The following FGGY variants were observed in gnomAD, a reference collection of about 807,000 sequenced individuals.
FGGY encodes the protein FGGY carbohydrate kinase domain containing, also known as FGGY carbohydrate kinase domain-containing protein.
A neutral mutation model predicts 71.3 loss-of-function variants in FGGY; 72 were observed. The ratio of observed to expected loss-of-function variants is 1.01; its 90% CI spans 0.84 to 1.23. The LOEUF (loss-of-function observed/expected upper bound fraction) is 1.23. FGGY is among the 50% of genes most tolerant of loss of function. The pLI, the probability that FGGY is intolerant of heterozygous loss-of-function variation, is 0.00. For missense variants in FGGY, 668 were observed against 682.3 expected (o/e 0.98, Z 0.23); for synonymous variants, 251 against 250.3 (o/e 1.00, Z -0.02).
Position 59,552,314 on chromosome 1 carries a change from A to G in FGGY, c.800-1810A>G, listed in dbSNP as rs2095620426. Among the ~76,000 whole-genome samples the G allele has an allele frequency of 3.3e-5, 5 of 152,206 alleles. No individual in the cohort carries two copies. The South Asian group carries it at 1.0e-3, about 32-fold the overall frequency. ...GACTTGATCTGAAAACACATAGGCC[A>G]AGGATTCTTGCAGGCTAAAGTCTCA... On this transcript the variant is annotated intron_variant, in intron 7 of 15. Transcript: ENST00000303721.
intron 4 of FGGY, among the ~76,000 whole-genome samples, chr1:59,377,280 G>A (rs762280947): frequency 1.3e-4 from 20 of 152,112 alleles, no homozygotes; most frequent in Non-Finnish European, 2.2e-4. Flanking sequence ...AAACATACCC[G>A]AGACTGGGTA....
At position 59,339,424 on chromosome 1, in the gene FGGY, C is replaced by G. The variant is rs1416017951; in HGVS notation, c.202-534C>G. Among the ~76,000 whole-genome samples, 3 of 151,772 alleles carry G rather than the reference C, an allele frequency of 2.0e-5. No individual in the cohort carries two copies. In the South Asian group the frequency reaches 6.3e-4, roughly 32 times the overall value. On this transcript the variant is annotated intron_variant, in intron 2 of 15. Coordinates refer to ENST00000303721, the MANE Select transcript of FGGY (RefSeq NM_018291.5). ...CATTTCTTTTTATTTTATGAGGTGA[C>G]TTTTTATTCCTTTGCTTAATTTCCA... is the stretch of plus-strand genomic sequence containing the variant.
chr1:59,325,088 T>A (rs1235825710), intron 2 of FGGY, among the ~76,000 whole-genome samples: 1 of 152,182 alleles, frequency 6.6e-6, no homozygotes, highest in Admixed American at 6.5e-5. Context: ...GCGTGTTGGC[T>A]CACGCCTGTA....
chr1:59,565,547 G>A (rs958731909), intron 8 of FGGY, among the ~76,000 whole-genome samples: 8 of 152,196 alleles, frequency 5.3e-5, no homozygotes, highest in Admixed American at 3.3e-4. Flanking sequence ...GCCTCCCAAA[G>A]TGCTGGGATT....
At chr1:59,647,747 T>A (rs1180680416) in intron 11 of FGGY, among the ~76,000 whole-genome samples, 1 of 150,684 alleles carries the variant, frequency 6.6e-6, no homozygotes, top group African/African-American at 2.4e-5. Flanking sequence ...CCATCTTTTT[T>A]TTTTTTTTTT....
chr1:59,626,244 T>C, intron 10 of FGGY, 195 bp downstream of exon 10: 1 of 516,712 alleles, frequency 1.9e-6, no homozygotes, highest in Non-Finnish European at 3.5e-6. Flanking sequence ...TTAGAGAACC[T>C]AGAGATACCC....
intron 8 of FGGY, among the ~76,000 whole-genome samples, chr1:59,590,552 A>C (rs1436164512): frequency 6.6e-6 from 1 of 152,176 alleles, no homozygotes; most frequent in Non-Finnish European, 1.5e-5. Flanking sequence ...AAATACTGGC[A>C]AACCGAATCC....
intron 6 of FGGY, among the ~76,000 whole-genome samples, chr1:59,495,038 A>G (rs1205917909): frequency 1.3e-5 from 2 of 152,070 alleles, no homozygotes; most frequent in African/African-American, 4.8e-5. Context: ...TTTTAATGAT[A>G]GCCATTCTGA....
chr1:59,479,146 A>G (rs887571608), intron 6 of FGGY, among the ~76,000 whole-genome samples: 1 of 152,230 alleles, frequency 6.6e-6, no homozygotes, highest in Non-Finnish European at 1.5e-5. Flanking sequence ...AATGAGGCAT[A>G]AAGAAGTTAA....
intron 5 of FGGY, among the ~76,000 whole-genome samples, chr1:59,455,851 T>C (rs2091635162): frequency 6.6e-6 from 1 of 152,140 alleles, no homozygotes; most frequent in South Asian, 2.1e-4. Context: ...TCCCAACAGA[T>C]GGGGGTAGGG....
intron 7 of FGGY, among the ~76,000 whole-genome samples, chr1:59,549,090 G>A (rs2095569056): frequency 6.6e-6 from 1 of 152,154 alleles, no homozygotes; most frequent in African/African-American, 2.4e-5. Context: ...ATGTAGTCTG[G>A]TGTTAAGTCT....
At chr1:59,530,627 G>A (rs1004120189) in intron 7 of FGGY, among the ~76,000 whole-genome samples, 1 of 152,176 alleles carries the variant, frequency 6.6e-6, no homozygotes, top group Non-Finnish European at 1.5e-5. Context: ...GAATTGGAGG[G>A]AGAAATAGGA....
At chr1:59,615,800 G>C (rs567899744) in intron 9 of FGGY, among the ~76,000 whole-genome samples, 24 of 152,144 alleles carry the variant, frequency 1.6e-4, no homozygotes, top group African/African-American at 5.8e-4. Context: ...AAATTCACAA[G>C]AATAAAAGAA....
At chr1:59,695,216 G>A (rs1212648921) in intron 14 of FGGY, among the ~76,000 whole-genome samples, 4 of 152,204 alleles carry the variant, frequency 2.6e-5, no homozygotes, top group Non-Finnish European at 5.9e-5. Context: ...GTTCTGGTGG[G>A]CCTACTGGGG....
At chr1:59,758,133 A>G (rs2098310552) in intron 15 of FGGY, 141 bp downstream of exon 15, 9 of 558,912 alleles carry the variant, frequency 1.6e-5, no homozygotes, top group Non-Finnish European at 2.8e-5. Context: ...AGTTCCAGGG[A>G]GGTAATGTCA....
intron 5 of FGGY, among the ~76,000 whole-genome samples, chr1:59,426,736 C>T (rs1205043678): frequency 6.6e-6 from 1 of 152,074 alleles, no homozygotes; most frequent in Non-Finnish European, 1.5e-5. Flanking sequence ...CAGGGACCTG[C>T]CTGCTTGCTC....
chr1:59,659,374 G>T (rs753059209), intron 11 of FGGY, among the ~76,000 whole-genome samples: 1 of 152,162 alleles, frequency 6.6e-6, no homozygotes, highest in African/African-American at 2.4e-5. Context: ...TTATTTTGAT[G>T]CAAACCGCAT....
Position 59,648,673 on chromosome 1 carries a change from C to T in FGGY, c.1221+10298C>T, listed in dbSNP as rs958920928. ...AGCCCTTTGTCAGATGAGTAGGTTGCGAAAATTTTCACCCATTTTGTAGGT... is the reference window on the plus strand; with the variant it reads ...AGCCCTTTGTCAGATGAGTAGGTTGTGAAAATTTTCACCCATTTTGTAGGT... On this transcript the variant is annotated intron_variant, in intron 11 of 15. Transcript: ENST00000303721. 7.3e-3 allele frequency among the ~76,000 whole-genome samples: 1,094 copies of T among 150,402 alleles called. 26 individuals carry two copies. The highest frequency in any genetic ancestry group is 0.024 in the African/African-American group (970 of 39,926).
chr1:59,558,104 A>G (rs2095720429), intron 8 of FGGY, among the ~76,000 whole-genome samples: 1 of 152,184 alleles, frequency 6.6e-6, no homozygotes, highest in African/African-American at 2.4e-5. Flanking sequence ...CAGTTTCTGC[A>G]TCTGTTAAAT....
Sources: allele counts gnomAD v4.1 joint callset (sites outside exome capture counted in the v4.1 genomes callset), GRCh38; gene constraint gnomAD v4.1.1; transcripts MANE v1.5; gene names NCBI Gene and HGNC (gene_info 2026-07-23, HGNC 2026-07-21).